CACNG7: variants seen among roughly 807,000 people sequenced by gnomAD.
CACNG7 encodes the protein calcium voltage-gated channel auxiliary subunit gamma 7, also known as voltage-dependent calcium channel gamma-7 subunit.
A neutral mutation model predicts 26.3 loss-of-function variants in CACNG7; 9 were observed. The ratio of observed to expected loss-of-function variants is 0.34; its 90% confidence interval spans 0.21 to 0.60. The LOEUF (loss-of-function observed/expected upper bound fraction) is 0.60. Among genes scored for constraint, CACNG7 ranks in the 20% least tolerant of loss-of-function variants. The pLI is 0.81. For synonymous variants in CACNG7, 170 were observed against 157.0 expected (o/e 1.08, Z -0.62); for missense variants, 297 against 380.4 (o/e 0.78, Z 1.82).
At chr19:53,914,412 C>A in intron 2 of CACNG7, 88 bp from the exon 3 acceptor site, 2 of 1,073,052 alleles carry the variant, frequency 1.9e-6, no homozygotes, top group Non-Finnish European at 2.8e-6. Context: ...ATCCTGGGGT[C>A]TCCCCTCTAT....
intron 4 of CACNG7, among the ~76,000 whole-genome samples, chr19:53,936,828 C>T (rs1463546235): frequency 6.6e-6 from 1 of 151,990 alleles, no homozygotes; most frequent in East Asian, 1.9e-4. Context: ...AGGCTGGTCT[C>T]AAACTCCTGA....
At chr19:53,928,974 T>C (rs528155021) in intron 4 of CACNG7, among the ~76,000 whole-genome samples, 1 of 151,802 alleles carries the variant, frequency 6.6e-6, no homozygotes, top group East Asian at 2.0e-4. Context: ...CCGGGCATGG[T>C]GGCGCACGTC....
chr19:53,911,281 G>C (rs1040631082), intron 1 of CACNG7, among the ~76,000 whole-genome samples: 1 of 151,960 alleles, frequency 6.6e-6, no homozygotes, highest in Non-Finnish European at 1.5e-5. Flanking sequence ...GGCCAGGCTG[G>C]TCTCAAACTC....
intron 1 of CACNG7, among the ~76,000 whole-genome samples, chr19:53,911,658 T>A (rs1220003176): frequency 6.6e-6 from 1 of 152,042 alleles, no homozygotes; most frequent in Non-Finnish European, 1.5e-5. Context: ...CTACCTGGGA[T>A]GGAGGCAGCC....
chr19:53,942,684 A>T lies in CACNG7; in HGVS notation c.*391A>T. 1 of 667,372 alleles carries T rather than the reference A, an allele frequency of 1.5e-6. No individual in the cohort carries two copies. The highest frequency in any genetic ancestry group is 1.9e-6 in the Non-Finnish European group (1 of 515,442). The allele number at this position is 667,372 out of a possible 1,614,324, so 41.3% of individuals were successfully genotyped here. Reference sequence around the variant, plus strand: ...GCTCCCCAACCTCGGACCTCACCGCAGGGGCGCTGGGCTGGAGAGCAGGTT... The same window carrying T: ...GCTCCCCAACCTCGGACCTCACCGCTGGGGCGCTGGGCTGGAGAGCAGGTT... On this transcript the variant is annotated 3_prime_UTR_variant, in exon 6 of 6. Transcript: ENST00000391767. The surrounding 1 kb of genome is among the most constrained non-coding windows in gnomAD (Gnocchi z 5.9).
intron 4 of CACNG7, among the ~76,000 whole-genome samples, chr19:53,927,212 G>A (rs921079497): frequency 1.3e-5 from 2 of 152,146 alleles, no homozygotes; most frequent in Non-Finnish European, 2.9e-5. Context: ...GAGCCACTGC[G>A]GCGCAGCTGG....
intron 4 of CACNG7, among the ~76,000 whole-genome samples, chr19:53,931,661 T>C (rs1219944373): frequency 1.7e-5 from 2 of 115,656 alleles, no homozygotes; most frequent in African/African-American, 6.9e-5. Context: ...GCATCCAGCC[T>C]AGGTGACAGA....
At chr19:53,922,951 G>C (rs1268860292) in intron 4 of CACNG7, among the ~76,000 whole-genome samples, 15 of 92,338 alleles carry the variant, frequency 1.6e-4, no homozygotes, top group Middle Eastern at 7.8e-3. Flanking sequence ...GTCATTGGTG[G>C]AGTTGCCCCA....
chr19:53,916,468 A>G (rs894144027), intron 4 of CACNG7, among the ~76,000 whole-genome samples: 1 of 148,364 alleles, frequency 6.7e-6, no homozygotes, highest in African/African-American at 2.5e-5. Context: ...AGTTCCAGCA[A>G]TGCCTTTTTT....
chr19:53,923,693 G>T (rs1282941388), intron 4 of CACNG7, among the ~76,000 whole-genome samples: 1 of 143,844 alleles, frequency 7.0e-6, no homozygotes, highest in Admixed American at 6.8e-5. Flanking sequence ...TCCCAGGCCT[G>T]GTCATTGGTG....
chr19:53,927,241 A>G lies in CACNG7; in HGVS notation c.424+11736A>G, dbSNP rs527805415. Reference sequence around the variant, plus strand: ...CAGCTGGGCTGAGACCTTTTCAAACATGTTCTTGTTTGTATCTTAGAGCCT... The same window carrying G: ...CAGCTGGGCTGAGACCTTTTCAAACGTGTTCTTGTTTGTATCTTAGAGCCT... On this transcript the variant is annotated intron_variant, in intron 4 of 5. Coordinates refer to ENST00000391767, the MANE Select transcript of CACNG7 (RefSeq NM_031896.5). Among the ~76,000 whole-genome samples the G allele has an allele frequency of 1.8e-4, 27 of 152,136 alleles. No individual in the cohort carries two copies. The South Asian group carries it at 4.4e-3, about 25-fold the overall frequency.
rs1036689679 is a variant in CACNG7, at chr19:53,912,475, C to T, written c.-29-328C>T. Among the ~76,000 whole-genome samples the T allele has an allele frequency of 6.6e-6, 1 of 152,100 alleles. No individual in the cohort carries two copies. Among genetic ancestry groups the T allele is most frequent in the Non-Finnish European group, 1.5e-5 (1 of 68,026 alleles). On this transcript the variant is annotated intron_variant, in intron 1 of 5. Coordinates refer to ENST00000391767, the MANE Select transcript of CACNG7 (RefSeq NM_031896.5). This position sits in a 1 kb window ranked among gnomAD's most constrained non-coding sequence, Gnocchi z 4.6. ...GAGTCACAGTATTTGGGACCCAGGT[C>T]CAAACACGGTTGGAGCCAAGATTCA...
At chr19:53,924,265 G>T (rs1445502453) in intron 4 of CACNG7, among the ~76,000 whole-genome samples, 1 of 148,554 alleles carries the variant, frequency 6.7e-6, no homozygotes, top group Admixed American at 6.6e-5. Context: ...CCCCAGGTCT[G>T]GTCATTGGTG....
intron 4 of CACNG7, among the ~76,000 whole-genome samples, chr19:53,928,928 G>A (rs1398310743): frequency 1.3e-5 from 2 of 151,932 alleles, no homozygotes; most frequent in Non-Finnish European, 2.9e-5. Flanking sequence ...GGCCAACATG[G>A]TGAAACCCCA....
intron 4 of CACNG7, among the ~76,000 whole-genome samples, chr19:53,927,211 C>A (rs1003141508): frequency 2.0e-5 from 3 of 152,062 alleles, no homozygotes; most frequent in Non-Finnish European, 4.4e-5. Context: ...TGAGCCACTG[C>A]GGCGCAGCTG....
chr19:53,919,823 A>AGGCCC (rs2068926110), intron 4 of CACNG7, among the ~76,000 whole-genome samples: 1 of 131,394 alleles, frequency 7.6e-6, no homozygotes, highest in South Asian at 2.5e-4. Flanking sequence ...GAGTTGCCCC[A>AGGCCC]GGTCTGGTCA....
At chr19:53,914,904 A>C (rs887228416) in intron 3 of CACNG7, among the ~76,000 whole-genome samples, 1 of 151,812 alleles carries the variant, frequency 6.6e-6, no homozygotes, top group Non-Finnish European at 1.5e-5. Flanking sequence ...CAGGAGGCTG[A>C]GGCAGGAGAA....
intron 1 of CACNG7, among the ~76,000 whole-genome samples, chr19:53,911,074 T>A (rs1292761283): frequency 1.0e-5 from 1 of 98,496 alleles, no homozygotes; most frequent in Non-Finnish European, 1.6e-5. Flanking sequence ...TCATTCATGA[T>A]TTTTTTTTTT....
In CACNG7 at chr19:53,922,187, C is replaced by CATTGGTGGAGTTGCCCCAGGTCTGGT. The variant is rs1319983792; in HGVS notation, c.424+6696_424+6721dup. On this transcript the variant is annotated intron_variant, in intron 4 of 5. Transcript: ENST00000391767. The stretch of plus-strand genomic sequence containing the variant: ...ATTGGTGGAGTTGTCCCAGGCTGGT[C>CATTGGTGGAGTTGCCCCAGGTCTGGT]ATTGGTGGAGTTGCCCCAGGTCTGG... Among the ~76,000 whole-genome samples, 130 of 108,942 alleles carry CATTGGTGGAGTTGCCCCAGGTCTGGT rather than the reference C, an allele frequency of 1.2e-3. 11 individuals carry two copies. The East Asian group carries it at 0.017, about 14-fold the overall frequency. 71.5% of individuals were successfully genotyped at this position (108,942 alleles called of 152,430 possible).
Sources: gnomAD v4.1 joint callset for allele counts (sites outside exome capture counted in the v4.1 genomes callset) on GRCh38, gnomAD v4.1.1 for gene constraint, Gnocchi (gnomAD v3.1) non-coding constraint, MANE v1.5 for transcripts, NCBI Gene and HGNC (gene_info 2026-07-23, HGNC 2026-07-21) for gene names.